WLS: variants seen among roughly 807,000 people sequenced by gnomAD.
WLS encodes protein wntless homolog.
Under a neutral mutation model 62.8 loss-of-function variants are expected in WLS, and 23 were observed. The ratio of observed to expected loss-of-function variants is 0.37; its 90% CI spans 0.26 to 0.52. The LOEUF is 0.52. Ranked by LOEUF, WLS falls within the 20% of genes least tolerant of loss-of-function variation. The pLI is 0.92. For synonymous variants in WLS, 246 were observed against 244.1 expected (o/e 1.01, Z -0.07); for missense variants, 615 against 697.3 (o/e 0.88, Z 1.33).
chr1:68,200,213 G>T (rs936712966), intron 1 of WLS, among the ~76,000 whole-genome samples: 5 of 152,062 alleles, frequency 3.3e-5, no homozygotes, highest in African/African-American at 1.2e-4. Context: ...AATACACATT[G>T]ATTTAAAAAC....
chr1:68,128,957 A>G (rs2820483), intron 11 of WLS, among the ~76,000 whole-genome samples: 95,828 of 151,622 alleles, frequency 0.63, 30,542 homozygotes, highest in Non-Finnish European at 0.68. Context: ...CTCTTCTTAA[A>G]TATTCAAGTT....
chr1:68,200,455 T>C (rs34168249), intron 1 of WLS, among the ~76,000 whole-genome samples: 3 of 143,188 alleles, frequency 2.1e-5, no homozygotes, highest in Non-Finnish European at 4.5e-5. Flanking sequence ...TAATTGGGAC[T>C]GATTTCAACG....
intron 2 of WLS, among the ~76,000 whole-genome samples, chr1:68,192,786 A>G (rs1648393987): frequency 7.5e-5 from 11 of 145,882 alleles, no homozygotes; most frequent in African/African-American, 2.3e-4. Flanking sequence ...AAAAAAAAAA[A>G]ACAGAAGAAG....
chr1:68,101,787 T>TACACGCTTATAA (rs1368221438), intron 11 of WLS, among the ~76,000 whole-genome samples: 2 of 152,192 alleles, frequency 1.3e-5, no homozygotes, highest in Non-Finnish European at 2.9e-5. Context: ...CTTTGCAAAA[T>TACACGCTTATAA]ACACGCTTAT....
chr1:68,230,375 C>A (rs1650349883), intron 1 of WLS, among the ~76,000 whole-genome samples: 1 of 152,084 alleles, frequency 6.6e-6, no homozygotes, highest in Non-Finnish European at 1.5e-5. Context: ...ACACAAGATC[C>A]AATGGCATCT....
At chr1:68,167,951 G>A (rs1647085259) in intron 2 of WLS, among the ~76,000 whole-genome samples, 1 of 151,948 alleles carries the variant, frequency 6.6e-6, no homozygotes, top group South Asian at 2.1e-4. Flanking sequence ...GCCTTTCCAT[G>A]TTGGGAAGCA....
chr1:68,133,709 A>C (rs1016660932), intron 11 of WLS, among the ~76,000 whole-genome samples: 1 of 152,210 alleles, frequency 6.6e-6, no homozygotes, highest in Admixed American at 6.5e-5. Flanking sequence ...TTCTCTGTCC[A>C]TTCTATGACC....
At chr1:68,139,737 G>A (rs1379589512) in intron 10 of WLS, among the ~76,000 whole-genome samples, 1 of 152,244 alleles carries the variant, frequency 6.6e-6, no homozygotes, top group Non-Finnish European at 1.5e-5. Context: ...CTTGCACACA[G>A]TGGTGCTCGA....
At chr1:68,153,038 G>A (rs190085374) in intron 5 of WLS, among the ~76,000 whole-genome samples, 1 of 152,280 alleles carries the variant, frequency 6.6e-6, no homozygotes, top group East Asian at 1.9e-4. Flanking sequence ...CAGCACTTTG[G>A]GAAGCTGAAG....
intron 10 of WLS, among the ~76,000 whole-genome samples, chr1:68,144,339 G>A (rs1279268783): frequency 1.3e-5 from 2 of 152,180 alleles, no homozygotes; most frequent in Non-Finnish European, 2.9e-5. Context: ...CAATCTGGCT[G>A]TAGGCTTTTA....
rs749938605 is a variant in WLS at position 68,137,647 on chromosome 1, C to T, written c.1516+133G>A. ...GTGAGTCCCCTGGGTGCTCATTCACCGTCTCCCAGTGTGAGGAGTATACTT... is the reference window on the plus strand; with the variant it reads ...GTGAGTCCCCTGGGTGCTCATTCACTGTCTCCCAGTGTGAGGAGTATACTT... On this transcript the variant is annotated intron_variant, in intron 11 of 11. Coordinates refer to ENST00000262348, the MANE Select transcript of WLS (RefSeq NM_024911.7). 1.1e-4 allele frequency: 109 copies of T among 1,009,262 alleles called. 1 individual carries two copies. Among genetic ancestry groups the T allele is most frequent in the Middle Eastern group, 9.9e-4 (3 of 3,044 alleles). 62.5% of individuals were successfully genotyped at this position (1,009,262 alleles called of 1,614,324 possible).
intron 1 of WLS, among the ~76,000 whole-genome samples, chr1:68,206,225 G>A (rs1367032609): frequency 6.6e-6 from 1 of 152,188 alleles, no homozygotes; most frequent in Non-Finnish European, 1.5e-5. Flanking sequence ...TGTAGAAGCT[G>A]GAGATGTATA....
intron 11 of WLS, chr1:68,098,825 A>AC (rs1259064421): frequency 1.6e-5 from 24 of 1,528,752 alleles, no homozygotes; most frequent in Non-Finnish European, 2.0e-5. Flanking sequence ...GGAGTTTAGG[A>AC]CCAAGGCTCA....
At chr1:68,229,122 C>T (rs1197939826) in intron 1 of WLS, among the ~76,000 whole-genome samples, 5 of 152,100 alleles carry the variant, frequency 3.3e-5, no homozygotes. Flanking sequence ...TAAACTCCTT[C>T]CTCTACCAAT....
At chr1:68,145,407 G>C (rs998182452) in intron 9 of WLS, among the ~76,000 whole-genome samples, 1 of 152,120 alleles carries the variant, frequency 6.6e-6, no homozygotes, top group Non-Finnish European at 1.5e-5. Flanking sequence ...ACTGAACTCT[G>C]TCTGAGCATC....
intron 1 of WLS, among the ~76,000 whole-genome samples, chr1:68,201,607 C>T (rs889917236): frequency 3.3e-5 from 5 of 152,182 alleles, no homozygotes; most frequent in Non-Finnish European, 7.3e-5. Flanking sequence ...AAAGCTATGC[C>T]CTTGTGCATG....
rs1646422391 is a variant in WLS at position 68,125,888 on chromosome 1, C to G, written c.*338G>C. 9.4e-6 allele frequency: 10 copies of G among 1,063,214 alleles called. No individual in the cohort carries two copies. The highest frequency in any genetic ancestry group is 1.1e-5 in the Non-Finnish European group (10 of 879,756). The allele number at this position is 1,063,214 out of a possible 1,614,324, so 65.9% of individuals were successfully genotyped here. On this transcript the variant is annotated 3_prime_UTR_variant, in exon 12 of 12. Transcript: ENST00000262348. The stretch of plus-strand genomic sequence containing the variant: ...TATTCCACTCCCCATTCGGCCCAAA[C>G]CATCCCCCAAGGAATACACCCCCAC...
chr1:68,122,671 T>C (rs1043431213), downstream of WLS, among the ~76,000 whole-genome samples: 1 of 152,240 alleles, frequency 6.6e-6, no homozygotes, highest in African/African-American at 2.4e-5. Flanking sequence ...CTGGTATACA[T>C]GGCCAATAAT....
chr1:68,177,430 C>T (rs1362152557), intron 2 of WLS, among the ~76,000 whole-genome samples: 3 of 152,220 alleles, frequency 2.0e-5, no homozygotes, highest in Non-Finnish European at 4.4e-5. Flanking sequence ...TTTTTCTGAA[C>T]ACTCAGCCCT....
Sources: gnomAD v4.1 joint callset for allele counts (sites outside exome capture counted in the v4.1 genomes callset) on GRCh38, gnomAD v4.1.1 for gene constraint, MANE v1.5 for transcripts, NCBI Gene and HGNC (gene_info 2026-07-23, HGNC 2026-07-21) for gene names.